Variants in MFHAS1 observed in about 807,000 individuals in gnomAD.
MFHAS1 encodes malignant fibrous histiocytoma-amplified sequence 1.
Under a neutral mutation model 70.4 loss-of-function variants are expected in MFHAS1, and 50 were observed. The ratio of observed to expected loss-of-function variants is 0.71; its 90% CI spans 0.57 to 0.90. The LOEUF (loss-of-function observed/expected upper bound fraction) is 0.90. Ranked by LOEUF, MFHAS1 falls within the 40% of genes least tolerant of loss-of-function variation. The pLI, the probability that MFHAS1 is intolerant of heterozygous loss-of-function variation, is 0.00. For missense variants in MFHAS1, 1,795 were observed against 1,347.6 expected (o/e 1.33, Z -5.20); for synonymous variants, 952 against 620.0 (o/e 1.54, Z -7.96).
intron 2 of MFHAS1, among the ~76,000 whole-genome samples, chr8:8,792,632 A>G (rs758944669): frequency 3.9e-5 from 6 of 152,148 alleles, no homozygotes; most frequent in African/African-American, 7.2e-5. Flanking sequence ...AAACAAACCA[A>G]AAAAAACTTA....
intron 1 of MFHAS1, among the ~76,000 whole-genome samples, chr8:8,844,617 C>A (rs1807959787): frequency 6.6e-6 from 1 of 152,222 alleles, no homozygotes; most frequent in Non-Finnish European, 1.5e-5. Flanking sequence ...TCCGCAAGGT[C>A]AGCTCTCTGC....
At chr8:8,870,286 T>C (rs1437987296) in intron 1 of MFHAS1, among the ~76,000 whole-genome samples, 1 of 133,860 alleles carries the variant, frequency 7.5e-6, no homozygotes, top group Non-Finnish European at 1.6e-5. Flanking sequence ...AGACCCTGTC[T>C]CTACAAAAAA....
intron 2 of MFHAS1, among the ~76,000 whole-genome samples, chr8:8,788,208 G>C (rs1346105817): frequency 6.6e-6 from 1 of 152,232 alleles, no homozygotes; most frequent in East Asian, 1.9e-4. Flanking sequence ...TTAGGTTCTG[G>C]AGGGCAGGAT....
At chr8:8,852,822 T>C (rs1449853546) in intron 1 of MFHAS1, among the ~76,000 whole-genome samples, 1 of 152,112 alleles carries the variant, frequency 6.6e-6, no homozygotes, top group Non-Finnish European at 1.5e-5. Context: ...CGGTAAACAG[T>C]TTCTTATATT....
At chr8:8,802,952 C>T (rs1203621134) in intron 1 of MFHAS1, among the ~76,000 whole-genome samples, 1 of 152,176 alleles carries the variant, frequency 6.6e-6, no homozygotes, top group Non-Finnish European at 1.5e-5. Flanking sequence ...CCAAGGTATG[C>T]AGGCTATCGG....
At chr8:8,851,021 T>G (rs1250798220) in intron 1 of MFHAS1, among the ~76,000 whole-genome samples, 2 of 152,150 alleles carry the variant, frequency 1.3e-5, no homozygotes, top group African/African-American at 4.8e-5. Context: ...TCCTCCTTAG[T>G]GAATCTCCTC....
At chr8:8,833,439 G>A (rs1462081079) in intron 1 of MFHAS1, among the ~76,000 whole-genome samples, 1 of 152,056 alleles carries the variant, frequency 6.6e-6, no homozygotes, top group Non-Finnish European at 1.5e-5. Context: ...GACCAGCCTG[G>A]GCAACACAGG....
chr8:8,882,977 A>AC, intron 1 of MFHAS1, among the ~76,000 whole-genome samples: 1 of 151,978 alleles, frequency 6.6e-6, no homozygotes, highest in Non-Finnish European at 1.5e-5. Context: ...ACATGGTGAA[A>AC]CCCTGTGTCT....
At chr8:8,828,772 G>A (rs1807258582) in intron 1 of MFHAS1, among the ~76,000 whole-genome samples, 1 of 152,214 alleles carries the variant, frequency 6.6e-6, no homozygotes, top group Admixed American at 6.5e-5. Flanking sequence ...CCTGGAAAGA[G>A]CTGGCCCCTA....
chr8:8,853,857 C>G (rs1808335331), intron 1 of MFHAS1, among the ~76,000 whole-genome samples: 1 of 152,142 alleles, frequency 6.6e-6, no homozygotes, highest in African/African-American at 2.4e-5. Flanking sequence ...CCTGGCTTAG[C>G]TACCTATTTC....
chr8:8,859,724 A>C (rs1481985682), intron 1 of MFHAS1, among the ~76,000 whole-genome samples: 1 of 152,202 alleles, frequency 6.6e-6, no homozygotes, highest in African/African-American at 2.4e-5. Context: ...ATAGTATCTA[A>C]TATCTATAAT....
In MFHAS1 at chr8:8,872,032, A is replaced by G. The variant is rs185444491; in HGVS notation, c.2998+18029T>C. On this transcript the variant is annotated intron_variant, in intron 1 of 2. Transcript: ENST00000276282. ...ATCAAAGGAGGGAGAAGGAAGGAAG[A>G]GGAGGCTAAGGCAAAAAGTTATTCA... is the stretch of plus-strand genomic sequence containing the variant. Among the ~76,000 whole-genome samples the G allele has an allele frequency of 2.0e-3, 304 of 152,340 alleles. 1 individual carries two copies. The highest frequency in any genetic ancestry group is 0.011 in the South Asian group (51 of 4,828).
intron 1 of MFHAS1, among the ~76,000 whole-genome samples, chr8:8,838,957 G>A (rs1305630186): frequency 6.6e-6 from 1 of 152,084 alleles, no homozygotes; most frequent in Admixed American, 6.6e-5. Context: ...TATAATATAT[G>A]CAGGGTCTCT....
At chr8:8,861,782 G>C (rs939211496) in intron 1 of MFHAS1, among the ~76,000 whole-genome samples, 2 of 152,164 alleles carry the variant, frequency 1.3e-5, no homozygotes, top group African/African-American at 4.8e-5. Flanking sequence ...CAGTGTATCA[G>C]TTTTGCCTTT....
intron 1 of MFHAS1, among the ~76,000 whole-genome samples, chr8:8,844,018 G>T (rs1012250143): frequency 6.6e-6 from 1 of 152,216 alleles, no homozygotes; most frequent in African/African-American, 2.4e-5. Flanking sequence ...TACCTACATG[G>T]GTGTCATGCT....
At chr8:8,871,070 T>C (rs1430740991) in intron 1 of MFHAS1, among the ~76,000 whole-genome samples, 1 of 152,142 alleles carries the variant, frequency 6.6e-6, no homozygotes, top group East Asian at 1.9e-4. Flanking sequence ...TGACAAGCTA[T>C]TGCCTTCCTG....
chr8:8,786,149 A>G (rs1805534901), intron 2 of MFHAS1, 94 bp from the exon 3 acceptor site: 1 of 1,175,460 alleles, frequency 8.5e-7, no homozygotes, highest in Non-Finnish European at 1.3e-6. Context: ...ATAGAAATCT[A>G]TTTTCTGCAC....
At chr8:8,821,180 T>A (rs1806940571) in intron 1 of MFHAS1, among the ~76,000 whole-genome samples, 1 of 152,134 alleles carries the variant, frequency 6.6e-6, no homozygotes, top group South Asian at 2.1e-4. Flanking sequence ...GGAAACGGAA[T>A]GAACTGCCTG....
At chr8:8,865,180 G>A (rs1276392047) in intron 1 of MFHAS1, among the ~76,000 whole-genome samples, 1 of 150,742 alleles carries the variant, frequency 6.6e-6, no homozygotes, top group Non-Finnish European at 1.5e-5. Flanking sequence ...AGGAGGCCGA[G>A]GCAGGAGAAT....
Sources: allele counts gnomAD v4.1 joint callset (sites outside exome capture counted in the v4.1 genomes callset), GRCh38; gene constraint gnomAD v4.1.1; transcripts MANE v1.5; gene names NCBI Gene and HGNC (gene_info 2026-07-23, HGNC 2026-07-21).